HCN1: variants seen among roughly 807,000 people sequenced by gnomAD.
HCN1 encodes hyperpolarization activated cyclic nucleotide gated potassium channel 1.
Under a neutral mutation model 78.9 loss-of-function variants are expected in HCN1, and 13 were observed. That is an observed-to-expected ratio of 0.16 (90% CI 0.11 to 0.26). The LOEUF is 0.26. Ranked by LOEUF, HCN1 falls within the 10% of genes least tolerant of loss-of-function variation. HCN1 has a pLI of 1.00. For synonymous variants in HCN1, 552 were observed against 455.5 expected (o/e 1.21, Z -2.70); for missense variants, 810 against 1,154.3 (o/e 0.70, Z 4.32).
At chr5:45,606,431 T>C (rs1232986364) in intron 2 of HCN1, among the ~76,000 whole-genome samples, 1 of 151,988 alleles carries the variant, frequency 6.6e-6, no homozygotes, top group African/African-American at 2.4e-5. Context: ...CTGGCATTTA[T>C]CCTGAGGAAA....
intron 1 of HCN1, among the ~76,000 whole-genome samples, chr5:45,670,891 CA>C (rs1253301990): frequency 2.6e-5 from 4 of 151,468 alleles, no homozygotes; most frequent in African/African-American, 9.7e-5. Flanking sequence ...GCACATTTTA[CA>C]AAACAGATTC....
chr5:45,497,661 G>A (rs187085948), intron 2 of HCN1, among the ~76,000 whole-genome samples: 29 of 152,102 alleles, frequency 1.9e-4, no homozygotes, highest in African/African-American at 2.7e-4. Context: ...TATCCAATTC[G>A]CCAGTCTGTG....
intron 3 of HCN1, among the ~76,000 whole-genome samples, chr5:45,424,777 A>C (rs1740312429): frequency 6.6e-6 from 1 of 152,192 alleles, no homozygotes; most frequent in Non-Finnish European, 1.5e-5. Context: ...GAATAAGATT[A>C]GATTAAATAA....
At chr5:45,595,394 G>C (rs1379256997) in intron 2 of HCN1, among the ~76,000 whole-genome samples, 1 of 152,156 alleles carries the variant, frequency 6.6e-6, no homozygotes, top group Non-Finnish European at 1.5e-5. Context: ...CTGAAGTGTA[G>C]TGGCACAATC....
chr5:45,379,112 T>A (rs558656374), intron 4 of HCN1, among the ~76,000 whole-genome samples: 2 of 152,282 alleles, frequency 1.3e-5, no homozygotes, highest in South Asian at 4.1e-4. Flanking sequence ...AGCAGCATGA[T>A]TTATAATCCT....
intron 6 of HCN1, among the ~76,000 whole-genome samples, chr5:45,268,134 G>A (rs1744896551): frequency 6.6e-6 from 1 of 152,188 alleles, no homozygotes; most frequent in African/African-American, 2.4e-5. Context: ...AATGAGATCA[G>A]TATGAAGAAA....
chr5:45,538,649 A>G (rs538333764), intron 2 of HCN1, among the ~76,000 whole-genome samples: 13 of 152,310 alleles, frequency 8.5e-5, no homozygotes, highest in African/African-American at 3.1e-4. Context: ...AATGTTTTTA[A>G]AAGAGCTGTA....
At chr5:45,281,935 G>A (rs556945278) in intron 6 of HCN1, among the ~76,000 whole-genome samples, 2 of 152,106 alleles carry the variant, frequency 1.3e-5, no homozygotes, top group East Asian at 1.9e-4. Context: ...TTAGTGGAAT[G>A]TTAAAAGATT....
chr5:45,567,713 C>T (rs1166336155), intron 2 of HCN1, among the ~76,000 whole-genome samples: 2 of 151,904 alleles, frequency 1.3e-5, no homozygotes, highest in South Asian at 2.1e-4. Flanking sequence ...CCTCATCTAA[C>T]ACAGTGCTTG....
intron 5 of HCN1, among the ~76,000 whole-genome samples, chr5:45,337,975 T>A (rs1016729754): frequency 2.5e-4 from 38 of 152,270 alleles, no homozygotes; most frequent in South Asian, 2.1e-4. Flanking sequence ...TTTTGAAATA[T>A]CAGCTAACTG....
At chr5:45,352,995 A>ATTTT in intron 5 of HCN1, 105 bp downstream of exon 5, 1 of 902,518 alleles carries the variant, frequency 1.1e-6, no homozygotes, top group Non-Finnish European at 1.7e-6. Flanking sequence ...ATATCTTAAT[A>ATTTT]AGTTTAGGTT....
At chr5:45,641,381 C>CT (rs1270628631) in intron 2 of HCN1, among the ~76,000 whole-genome samples, 2 of 152,038 alleles carry the variant, frequency 1.3e-5, no homozygotes, top group Non-Finnish European at 2.9e-5. Flanking sequence ...GTATAAAAAT[C>CT]TAATATTGGT....
At chr5:45,617,652 T>A (rs1291004949) in intron 2 of HCN1, among the ~76,000 whole-genome samples, 6 of 152,076 alleles carry the variant, frequency 3.9e-5, no homozygotes, top group Non-Finnish European at 7.4e-5. Flanking sequence ...CAGCCTTAAT[T>A]TCCTTTTGTA....
rs182233900 is a variant in HCN1, at chr5:45,347,486, T to A, written c.1377+5614A>T. Among the ~76,000 whole-genome samples the A allele has an allele frequency of 1.1e-3, 162 of 152,286 alleles. 2 individuals carry two copies. Among genetic ancestry groups the A allele is most frequent in the Middle Eastern group, 6.8e-3 (2 of 294 alleles). Reference sequence around the variant, plus strand: ...TCCTCCTCCAAAGGAACGCAGTTGGTCACCAGCAACGGAACAAAGCTGGAT... The same window carrying A: ...TCCTCCTCCAAAGGAACGCAGTTGGACACCAGCAACGGAACAAAGCTGGAT... On this transcript the variant is annotated intron_variant, in intron 5 of 7. Transcript: ENST00000303230.
intron 2 of HCN1, among the ~76,000 whole-genome samples, chr5:45,581,340 A>G (rs934639768): frequency 1.6e-4 from 25 of 152,016 alleles, no homozygotes; most frequent in African/African-American, 5.8e-4. Flanking sequence ...GTCTGTTTGT[A>G]TCCTTCACCC....
chr5:45,384,096 T>C (rs549895159), intron 4 of HCN1, among the ~76,000 whole-genome samples: 2 of 152,182 alleles, frequency 1.3e-5, no homozygotes, highest in Non-Finnish European at 2.9e-5. Flanking sequence ...ATAGGGAGAA[T>C]AACTCATCAA....
intron 1 of HCN1, among the ~76,000 whole-genome samples, chr5:45,658,806 C>T (rs1004791982): frequency 6.6e-6 from 1 of 151,818 alleles, no homozygotes; most frequent in African/African-American, 2.4e-5. Flanking sequence ...GGGTCCTACG[C>T]CCACGGAATC....
intron 2 of HCN1, among the ~76,000 whole-genome samples, chr5:45,490,265 G>A (rs1343176504): frequency 2.0e-5 from 3 of 152,250 alleles, no homozygotes; most frequent in Non-Finnish European, 4.4e-5. Context: ...GTCAGATCAT[G>A]ATGAGATTGG....
chr5:45,311,824 G>A (rs749693234), intron 5 of HCN1, among the ~76,000 whole-genome samples: 8 of 152,140 alleles, frequency 5.3e-5, no homozygotes, highest in South Asian at 2.1e-4. Context: ...TACACTGGTC[G>A]CCTTGGAACC....
Sources: gnomAD v4.1 joint callset for allele counts (sites outside exome capture counted in the v4.1 genomes callset) on GRCh38, gnomAD v4.1.1 for gene constraint, MANE v1.5 for transcripts, NCBI Gene and HGNC (gene_info 2026-07-23, HGNC 2026-07-21) for gene names.